CCDC3: variants seen among roughly 807,000 people sequenced by gnomAD.
The protein encoded by CCDC3 is coiled-coil domain-containing protein 3.
Under a neutral mutation model 21.4 loss-of-function variants are expected in CCDC3, and 24 were observed. The observed-to-expected ratio is 1.12, with a 90% confidence interval of 0.81 to 1.58. The LOEUF is 1.58. CCDC3 is among the 40% of genes most tolerant of loss of function. The pLI is 0.00. For synonymous variants in CCDC3, 186 were observed against 166.0 expected (o/e 1.12, Z -0.93); for missense variants, 425 against 360.9 (o/e 1.18, Z -1.44).
At chr10:12,938,776 A>G (rs1834776938) in intron 2 of CCDC3, among the ~76,000 whole-genome samples, 1 of 152,070 alleles carries the variant, frequency 6.6e-6, no homozygotes, top group South Asian at 2.1e-4. Flanking sequence ...AAAAGTAACT[A>G]TTGTAACTAT....
intron 2 of CCDC3, among the ~76,000 whole-genome samples, chr10:12,912,876 C>T (rs543325582): frequency 2.0e-5 from 3 of 152,200 alleles, no homozygotes; most frequent in East Asian, 1.9e-4. Flanking sequence ...GTCCTCTCCC[C>T]GTTGCATGTC....
intron 2 of CCDC3, among the ~76,000 whole-genome samples, chr10:12,950,010 T>C (rs775353048): frequency 3.4e-4 from 51 of 152,234 alleles, no homozygotes; most frequent in African/African-American, 1.2e-3. Context: ...TGGTGCCACC[T>C]GTCACATCCA....
intron 5 of CCDC3, among the ~76,000 whole-genome samples, chr10:13,035,378 T>C (rs564115244): frequency 2.8e-4 from 43 of 151,942 alleles, no homozygotes; most frequent in Non-Finnish European, 5.4e-4. Context: ...AAAAATAAAA[T>C]AAAATAAAAT....
chr10:12,978,562 GA>G (rs1158678746), intron 2 of CCDC3, among the ~76,000 whole-genome samples: 125 of 152,256 alleles, frequency 8.2e-4, no homozygotes, highest in African/African-American at 2.9e-3. Context: ...GAGAGAGAGA[GA>G]GAGAGAGAGA....
At chr10:13,059,012 G>A (rs915642035) in intron 4 of CCDC3, among the ~76,000 whole-genome samples, 1 of 152,172 alleles carries the variant, frequency 6.6e-6, no homozygotes, top group Non-Finnish European at 1.5e-5. Flanking sequence ...ACAAAACACA[G>A]GAAATACTGA....
intron 2 of CCDC3, 23 bp from the exon 3 acceptor site, chr10:12,898,702 A>T (rs369713464): frequency 3.1e-6 from 5 of 1,611,348 alleles, no homozygotes; most frequent in African/African-American, 1.3e-5. Flanking sequence ...ACAGCGTGCA[A>T]GGAGAGGAGG....
rs537768143 is a variant in CCDC3 at position 13,048,846 on chromosome 10, T to G, written c.-2+828A>C. On this transcript the variant is annotated intron_variant, in intron 5 of 6. Coordinates refer to the CCDC3 transcript ENST00000378839. Reference sequence around the variant, plus strand: ...GAGTGTGTGTAAGAGAGAGGGAGATTGTGTCTGAAAACATATGCCTGTCTT... The same window carrying G: ...GAGTGTGTGTAAGAGAGAGGGAGATGGTGTCTGAAAACATATGCCTGTCTT... Among the ~76,000 whole-genome samples the G allele has an allele frequency of 3.3e-5, 5 of 152,302 alleles. No individual in the cohort carries two copies. The East Asian group carries it at 9.6e-4, about 29-fold the overall frequency.
Position 13,023,659 on chromosome 10 carries a change from G to A in CCDC3, c.-1-25147C>T, listed in dbSNP as rs548767842. ...ATCCCAGGAAATAAGATTCATTCAG[G>A]GCCACCAGAGCACTCTCTGGTCTCT... is the stretch of plus-strand genomic sequence containing the variant. On this transcript the variant is annotated intron_variant, in intron 5 of 6. Transcript: ENST00000378839. 3.2e-4 allele frequency among the ~76,000 whole-genome samples: 49 copies of A among 152,096 alleles called. 1 individual carries two copies. The highest frequency in any genetic ancestry group is 1.2e-3 in the African/African-American group (49 of 41,502).
chr10:13,003,868 A>C (rs1290097114), upstream of CCDC3, among the ~76,000 whole-genome samples: 1 of 152,220 alleles, frequency 6.6e-6, no homozygotes, highest in Non-Finnish European at 1.5e-5. Context: ...ATTTTGCAGA[A>C]GTGAGCACCT....
At chr10:12,989,532 A>C (rs935921003) in intron 2 of CCDC3, among the ~76,000 whole-genome samples, 1 of 152,046 alleles carries the variant, frequency 6.6e-6, no homozygotes, top group African/African-American at 2.4e-5. Flanking sequence ...AGCGACTCTC[A>C]TGCCTCAGCC....
chr10:13,005,005 C>A (rs984290254), upstream of CCDC3, among the ~76,000 whole-genome samples: 7 of 152,162 alleles, frequency 4.6e-5, no homozygotes, highest in African/African-American at 1.7e-4. Context: ...TCCTTGTCAT[C>A]AATCTTCTGA....
intron 2 of CCDC3, among the ~76,000 whole-genome samples, chr10:12,903,226 A>G (rs1231680788): frequency 6.6e-6 from 1 of 152,212 alleles, no homozygotes; most frequent in Non-Finnish European, 1.5e-5. Context: ...ACGCCATAAA[A>G]TAACCAAGCC....
At chr10:12,947,041 C>T (rs983671325) in intron 2 of CCDC3, among the ~76,000 whole-genome samples, 2 of 152,060 alleles carry the variant, frequency 1.3e-5, no homozygotes, top group African/African-American at 4.8e-5. Context: ...AGTTTATTTT[C>T]GGTCAAAAAT....
At chr10:12,940,954 CTG>C (rs1415476085) in intron 2 of CCDC3, among the ~76,000 whole-genome samples, 1 of 123,084 alleles carries the variant, frequency 8.1e-6, no homozygotes, top group Non-Finnish European at 1.7e-5. Flanking sequence ...TTGTGATACT[CTG>C]TGGGTGTGGT....
rs564534462 is a variant in CCDC3, at chr10:12,948,833, G to A, written c.549+49505C>T. The stretch of plus-strand genomic sequence containing the variant: ...TGCAAGCTCCACCTCCCGGGTTCAC[G>A]CCATTCTCCTGCCTCAGCCTCCCGA... On this transcript the variant is annotated intron_variant, in intron 2 of 2. Coordinates refer to ENST00000378825, the MANE Select transcript of CCDC3 (RefSeq NM_031455.4). Among the ~76,000 whole-genome samples, 33 of 139,396 alleles carry A rather than the reference G, an allele frequency of 2.4e-4. 1 individual carries two copies. The South Asian group carries it at 6.2e-3, about 26-fold the overall frequency. The allele number at this position is 139,396 out of a possible 152,430, so 91.4% of individuals were successfully genotyped here. A position where few individuals can be genotyped will look rare whatever the true frequency, so the allele number is the denominator to read the frequency against.
At chr10:13,087,391 T>C (rs654773) in intron 3 of CCDC3, among the ~76,000 whole-genome samples, 3,789 of 134,752 alleles carry the variant, frequency 0.028, 145 homozygotes, top group South Asian at 0.11. Flanking sequence ...GCAACAAGAG[T>C]GAAACTCCAT....
At chr10:13,094,971 G>A (rs1832613734) in intron 3 of CCDC3, among the ~76,000 whole-genome samples, 1 of 152,062 alleles carries the variant, frequency 6.6e-6, no homozygotes, top group African/African-American at 2.4e-5. Flanking sequence ...TGGGACTCTG[G>A]GTACTTGGCT....
intron 5 of CCDC3, among the ~76,000 whole-genome samples, chr10:13,022,861 T>G (rs762926946): frequency 1.3e-5 from 2 of 152,198 alleles, no homozygotes; most frequent in Non-Finnish European, 1.5e-5. Context: ...GATGCAGAAT[T>G]TTACAAAGTT....
At chr10:13,084,674 C>T (rs190043239) in intron 3 of CCDC3, among the ~76,000 whole-genome samples, 117 of 152,326 alleles carry the variant, frequency 7.7e-4, no homozygotes, top group Non-Finnish European at 1.3e-3. Context: ...ATAACCCTCT[C>T]TTGGGGTCTA....
Sources: gnomAD v4.1 joint callset for allele counts (sites outside exome capture counted in the v4.1 genomes callset) on GRCh38, gnomAD v4.1.1 for gene constraint, MANE v1.5 for transcripts, NCBI Gene and HGNC (gene_info 2026-07-23, HGNC 2026-07-21) for gene names.